DIPK1A: variants seen among roughly 807,000 people sequenced by gnomAD.
The protein encoded by DIPK1A is family with sequence similarity 69 member A.
In DIPK1A, 27 loss-of-function variants were observed where a neutral mutation model predicts 40.8. The observed-to-expected ratio is 0.66, with a 90% CI of 0.49 to 0.91. DIPK1A has a LOEUF of 0.91. Ranked by LOEUF, DIPK1A falls within the 40% of genes least tolerant of loss-of-function variation. DIPK1A has a pLI of 0.00. For missense variants in DIPK1A, 412 were observed against 505.7 expected (o/e 0.81, Z 1.78); for synonymous variants, 166 against 171.3 (o/e 0.97, Z 0.24).
chr1:92,854,300 T>C (rs1427769857), intron 2 of DIPK1A, among the ~76,000 whole-genome samples: 1 of 152,208 alleles, frequency 6.6e-6, no homozygotes, highest in Non-Finnish European at 1.5e-5. Flanking sequence ...GAACCTAATA[T>C]CCATTAAAAG....
At chr1:92,914,545 G>A (rs980851947) in intron 1 of DIPK1A, among the ~76,000 whole-genome samples, 22 of 151,954 alleles carry the variant, frequency 1.4e-4, no homozygotes, top group Non-Finnish European at 2.8e-4. Flanking sequence ...CGAGGTGGGT[G>A]ATCACTTGAG....
intron 4 of DIPK1A, chr1:92,837,121 C>A: frequency 2.5e-6 from 1 of 398,750 alleles, no homozygotes; most frequent in Non-Finnish European, 4.8e-6. Context: ...ATCACTTATT[C>A]CCATGTACCC....
intron 2 of DIPK1A, among the ~76,000 whole-genome samples, chr1:92,871,064 T>G (rs1007807734): frequency 6.6e-6 from 1 of 152,238 alleles, no homozygotes; most frequent in Admixed American, 6.5e-5. Flanking sequence ...GAATTCAATC[T>G]GTGACATCTT....
intron 1 of DIPK1A, among the ~76,000 whole-genome samples, chr1:92,885,574 T>C (rs1333312970): frequency 2.0e-5 from 3 of 152,216 alleles, no homozygotes; most frequent in African/African-American, 7.2e-5. Flanking sequence ...CAGGTTGGTC[T>C]CTAACTGCTG....
intron 1 of DIPK1A, among the ~76,000 whole-genome samples, chr1:92,943,318 A>C (rs1184164926): frequency 2.0e-5 from 3 of 152,206 alleles, no homozygotes; most frequent in Non-Finnish European, 4.4e-5. Flanking sequence ...CTACCAGGCA[A>C]CCTAAAAGGA....
At chr1:92,919,439 T>C (rs1650188703) in intron 1 of DIPK1A, among the ~76,000 whole-genome samples, 1 of 152,036 alleles carries the variant, frequency 6.6e-6, no homozygotes, top group African/African-American at 2.4e-5. Context: ...CTCTAGGCCT[T>C]TGCATATTCT....
chr1:92,948,861 A>C (rs906102648), intron 1 of DIPK1A, among the ~76,000 whole-genome samples: 1 of 149,832 alleles, frequency 6.7e-6, no homozygotes, highest in African/African-American at 2.5e-5. Flanking sequence ...CTGGAGTGCA[A>C]TGGTGCGATC....
downstream of DIPK1A, among the ~76,000 whole-genome samples, chr1:92,841,175 C>T (rs1030201890): frequency 1.3e-5 from 2 of 152,196 alleles, no homozygotes; most frequent in Non-Finnish European, 2.9e-5. Context: ...ACTTGACTAT[C>T]ATCTGCCCAT....
intron 1 of DIPK1A, among the ~76,000 whole-genome samples, chr1:92,922,778 AC>A (rs1282338545): frequency 6.6e-6 from 1 of 152,218 alleles, no homozygotes; most frequent in Non-Finnish European, 1.5e-5. Context: ...AATGTCTGTA[AC>A]CTTCGAGAAT....
chr1:92,855,050 C>T (rs1687937879), intron 2 of DIPK1A, among the ~76,000 whole-genome samples: 1 of 151,530 alleles, frequency 6.6e-6, no homozygotes, highest in Non-Finnish European at 1.5e-5. Flanking sequence ...TCAAACATGG[C>T]CCATTGCAAA....
At chr1:92,944,382 T>A (rs1651285169) in intron 1 of DIPK1A, among the ~76,000 whole-genome samples, 1 of 152,092 alleles carries the variant, frequency 6.6e-6, no homozygotes, top group South Asian at 2.1e-4. Context: ...CCCATACAAC[T>A]GATAAAAGAA....
chr1:92,833,686 T>G (rs778804578), intron 4 of DIPK1A: 1 of 1,548,478 alleles, frequency 6.5e-7, no homozygotes, highest in Admixed American at 1.7e-5. Context: ...GACAGTCCCC[T>G]TTTTTTATTG....
At chr1:92,875,368 T>C (rs1290045864) in intron 2 of DIPK1A, among the ~76,000 whole-genome samples, 1 of 152,184 alleles carries the variant, frequency 6.6e-6, no homozygotes, top group Non-Finnish European at 1.5e-5. Flanking sequence ...CTCCAAATCA[T>C]TACTATTCAA....
chr1:92,931,029 T>C (rs1650726663), intron 1 of DIPK1A: 1 of 152,252 alleles, frequency 6.6e-6, no homozygotes, highest in Admixed American at 6.5e-5. Flanking sequence ...CTTCATTCTT[T>C]GCTTGGCACA....
chr1:92,861,449 C>T (rs1310438549), intron 2 of DIPK1A, among the ~76,000 whole-genome samples: 1 of 151,162 alleles, frequency 6.6e-6, no homozygotes, highest in Non-Finnish European at 1.5e-5. Flanking sequence ...GCCTCAGCCT[C>T]CCGGGTAGCT....
chr1:92,855,393 A>C lies in DIPK1A; in HGVS notation c.190-4438T>G, dbSNP rs182309483. On this transcript the variant is annotated intron_variant, in intron 2 of 4. Coordinates refer to ENST00000370310, the MANE Select transcript of DIPK1A (RefSeq NM_001006605.5). ...TTAAAAAAACCAACCAACCAACCAAACAAACAAACAAAAAAAACCCAACAG... is the reference window on the plus strand; with the variant it reads ...TTAAAAAAACCAACCAACCAACCAACCAAACAAACAAAAAAAACCCAACAG... 2.8e-3 allele frequency among the ~76,000 whole-genome samples: 425 copies of C among 151,550 alleles called. 2 individuals are homozygous for C. The South Asian group carries it at 0.029, about 10-fold the overall frequency.
Position 92,883,241 on chromosome 1 carries a change from T to C in DIPK1A, c.55-6811A>G, listed in dbSNP as rs142441717. Among the ~76,000 whole-genome samples, 344 of 152,308 alleles carry C rather than the reference T, an allele frequency of 2.3e-3. 6 individuals are homozygous for C. The highest frequency in any genetic ancestry group is 7.7e-3 in the African/African-American group (318 of 41,556). On this transcript the variant is annotated intron_variant, in intron 1 of 4. Transcript: ENST00000370310. ...AATTAACAATTAGACAGCCAGTATCTTACAGAGCATATAGGAGGAAGATGC... is the reference window on the plus strand; with the variant it reads ...AATTAACAATTAGACAGCCAGTATCCTACAGAGCATATAGGAGGAAGATGC...
downstream of DIPK1A, among the ~76,000 whole-genome samples, chr1:92,838,889 T>C (rs1241084926): frequency 1.3e-5 from 2 of 152,254 alleles, no homozygotes; most frequent in Non-Finnish European, 2.9e-5. Context: ...GTGAGCATTT[T>C]TGCATTATTT....
In DIPK1A at chr1:92,842,825, A is replaced by ATAAC. The variant is rs2100703327; in HGVS notation, c.*554_*557dup. On this transcript the variant is annotated 3_prime_UTR_variant, in exon 5 of 5. Transcript: ENST00000370310. ...CACTTGAACCATTGTGAAGCTACAC[A>ATAAC]TAACTTGATGTCTGAATGAGGTTAA... 3 of 985,556 alleles carry ATAAC rather than the reference A, an allele frequency of 3.0e-6. No homozygotes were observed. Among genetic ancestry groups the ATAAC allele is most frequent in the Non-Finnish European group, 3.6e-6 (3 of 830,008 alleles). 61.1% of individuals were successfully genotyped at this position (985,556 alleles called of 1,614,324 possible).
Sources: gnomAD v4.1 joint callset for allele counts (sites outside exome capture counted in the v4.1 genomes callset) on GRCh38, gnomAD v4.1.1 for gene constraint, MANE v1.5 for transcripts, NCBI Gene and HGNC (gene_info 2026-07-23, HGNC 2026-07-21) for gene names.